The following DUSP15 variants were observed in gnomAD, a reference collection of about 807,000 sequenced individuals.
DUSP15 encodes dual specificity phosphatase 15.
A neutral mutation model predicts 26.3 loss-of-function variants in DUSP15; 23 were observed. The ratio of observed to expected loss-of-function variants is 0.87; its 90% CI spans 0.63 to 1.24. DUSP15 has a LOEUF of 1.24. DUSP15 is among the 50% of genes most tolerant of loss of function. The pLI is 0.00. For missense variants in DUSP15, 364 were observed against 320.6 expected (o/e 1.14, Z -1.03); for synonymous variants, 143 against 135.5 (o/e 1.06, Z -0.39).
intron 3 of DUSP15, among the ~76,000 whole-genome samples, chr20:31,866,586 C>T (rs1054584413): frequency 2.6e-5 from 4 of 152,214 alleles, no homozygotes; most frequent in African/African-American, 9.7e-5. Flanking sequence ...CTAGAGGGGA[C>T]CATGCTTTAC....
Position 31,861,452 on chromosome 20 carries a change from T to C in DUSP15, c.659A>G (p.Gln220Arg). 2 of 1,558,032 alleles carry C rather than the reference T, an allele frequency of 1.3e-6. No homozygotes were observed. Among genetic ancestry groups the C allele is most frequent in the Non-Finnish European group, 1.7e-6 (2 of 1,162,464 alleles). ...ACACCGGGGGAGGCAAGAGAAAGTCTGCTTGACGCGCGCCAGCAGCGGCAG... is the reference window on the plus strand; with the variant it reads ...ACACCGGGGGAGGCAAGAGAAAGTCCGCTTGACGCGCGCCAGCAGCGGCAG... ...RPLPLLARVK[Q>R]TFSCLPRCLS... The change falls in exon 7 of 7, where the codon CAG becomes CGG. Residue 220 changes from glutamine (Q) to arginine (R), a missense_variant. Physicochemically the swap from Gln to Arg is conservative, Grantham distance 43 (BLOSUM62 1). Coordinates refer to ENST00000339738, the MANE Select transcript of DUSP15 (RefSeq NM_080611.5).
At chr20:31,846,505 C>T (rs185739278), downstream of DUSP15, among the ~76,000 whole-genome samples, 379 of 150,394 alleles carry the variant, frequency 2.5e-3, no homozygotes, top group African/African-American at 8.2e-3. Flanking sequence ...GAGCCCAGTC[C>T]CCCTAGAGTG....
chr20:31,869,343 G>A (rs1176430800), intron 2 of DUSP15, among the ~76,000 whole-genome samples: 3 of 152,210 alleles, frequency 2.0e-5, no homozygotes, highest in African/African-American at 7.2e-5. Flanking sequence ...AGGGATGTCA[G>A]TGTCAGGCCC....
Position 31,861,665 on chromosome 20 carries a change from T to A in DUSP15, c.446A>T (p.Gln149Leu). Residue 149 changes from glutamine to leucine, a missense_variant, in exon 7 of 7, where the codon CAG becomes CTG. Gln to Leu is a moderately radical substitution (Grantham distance 113). Coordinates refer to ENST00000339738, the MANE Select transcript of DUSP15 (RefSeq NM_080611.5). ...GCTCTCGCCGAAGCGCTCCTCCAGC[T>A]GCCGGCGAAGCTGGGGTGGGCGGGT... Reference protein sequence around the residue: ...GWASSQKLRRQLEERFGESPF... With the variant: ...GWASSQKLRRLLEERFGESPF... 2 of 889,856 alleles carry A rather than the reference T, an allele frequency of 2.2e-6. No homozygotes were observed. The highest frequency in any genetic ancestry group is 3.0e-6 in the Non-Finnish European group (2 of 665,074). 55.1% of individuals were successfully genotyped at this position (889,856 alleles called of 1,614,324 possible).
chr20:31,867,676 G>T (rs1336934457), intron 2 of DUSP15, among the ~76,000 whole-genome samples: 2 of 99,726 alleles, frequency 2.0e-5, no homozygotes, highest in Non-Finnish European at 1.8e-5. Flanking sequence ...ACGGAGTCTT[G>T]CTCTCTCTCC....
rs1356684171 is a variant in DUSP15, at chr20:31,869,870, G to GGAGGA, written c.22-278_22-274dup. The GGAGGA allele has an allele frequency of 5.0e-6, 7 of 1,401,160 alleles. No individual in the cohort carries two copies. The African/African-American group carries it at 5.8e-5, about 12-fold the overall frequency. The allele number at this position is 1,401,160 out of a possible 1,614,324, so 86.8% of individuals were successfully genotyped here. On this transcript the variant is annotated intron_variant, in intron 1 of 6. Transcript: ENST00000339738. ...GGGGAGAGGAGGAAGGCAGGTCTTA[G>GGAGGA]GAGGAGAGGAGAGGAGAGAGGTAGA...
chr20:31,864,230 A>C, intron 4 of DUSP15: 1 of 1,249,794 alleles, frequency 8.0e-7, no homozygotes, highest in Admixed American at 3.6e-5. Context: ...AGGCAGGAGC[A>C]CTCCTCCTGT....
exon 10 of DUSP15, chr20:31,848,040 T>G: frequency 5.1e-6 from 1 of 194,896 alleles, no homozygotes; most frequent in Non-Finnish European, 1.0e-5. Flanking sequence ...GATGATCTAA[T>G]TATTGGTAAA....
intron 9 of DUSP15, chr20:31,848,739 G>A: frequency 1.3e-6 from 2 of 1,528,970 alleles, no homozygotes; most frequent in Admixed American, 1.9e-5. Context: ...TGGAGGGAGT[G>A]TGGGAAGGGC....
chr20:31,854,776 C>G (rs2062534751), intron 6 of DUSP15, among the ~76,000 whole-genome samples: 1 of 152,062 alleles, frequency 6.6e-6, no homozygotes. Flanking sequence ...ACAGTCAACT[C>G]TCGTTATTTG....
intron 2 of DUSP15, among the ~76,000 whole-genome samples, chr20:31,867,430 G>A (rs944083282): frequency 6.6e-6 from 1 of 152,188 alleles, no homozygotes; most frequent in Non-Finnish European, 1.5e-5. Context: ...CTTGTCTACA[G>A]AAGCGCTTGC....
downstream of DUSP15, among the ~76,000 whole-genome samples, chr20:31,846,293 GACACACACACACAC>G (rs71336552): frequency 7.8e-5 from 11 of 141,028 alleles, no homozygotes; most frequent in South Asian, 2.4e-4. Flanking sequence ...CACAGACACA[GACACACACACACAC>G]ACACACACAC....
intron 3 of DUSP15, among the ~76,000 whole-genome samples, chr20:31,866,750 G>T (rs2123293482): frequency 6.6e-6 from 1 of 152,300 alleles, no homozygotes; most frequent in South Asian, 2.1e-4. Context: ...CATCCATTTG[G>T]ATTCATCCAT....
At chr20:31,863,676 A>G (rs997904191) in intron 5 of DUSP15, 3 of 532,966 alleles carry the variant, frequency 5.6e-6, no homozygotes, top group Non-Finnish European at 1.0e-5. Context: ...CATTTTACAG[A>G]TGAGGACATT....
downstream of DUSP15, among the ~76,000 whole-genome samples, chr20:31,856,206 A>G (rs1233332050): frequency 6.6e-6 from 1 of 152,238 alleles, no homozygotes; most frequent in Non-Finnish European, 1.5e-5. Context: ...GCAAAGGTTT[A>G]ACGGTGATAA....
intron 6 of DUSP15, among the ~76,000 whole-genome samples, chr20:31,851,339 G>A (rs1026596179): frequency 1.3e-5 from 2 of 151,982 alleles, no homozygotes; most frequent in Non-Finnish European, 2.9e-5. Flanking sequence ...AAGGTGATGG[G>A]GTGGAGATAA....
chr20:31,852,219 AG>A (rs1378226671), intron 6 of DUSP15, among the ~76,000 whole-genome samples: 1 of 152,006 alleles, frequency 6.6e-6, no homozygotes, highest in Non-Finnish European at 1.5e-5. Context: ...ATGTTGGCCA[AG>A]CTGGCCTCAA....
chr20:31,863,078 G>C (rs907011757), intron 5 of DUSP15, among the ~76,000 whole-genome samples: 102 of 32,104 alleles, frequency 3.2e-3, no homozygotes, highest in African/African-American at 0.017. Context: ...GTATGGCTGG[G>C]GGGGGGGGAC....
Position 31,861,557 on chromosome 20 carries a change from G to T in DUSP15, c.554C>A (p.Ser185Tyr). The T allele has an allele frequency of 1.3e-6, 2 of 1,503,290 alleles. No homozygotes were observed. The highest frequency in any genetic ancestry group is 1.8e-6 in the Non-Finnish European group (2 of 1,134,294). The allele number at this position is 1,503,290 out of a possible 1,614,324, so 93.1% of individuals were successfully genotyped here. The change falls in exon 7 of 7, where the codon TCC becomes TAC. Residue 185 changes from serine (S) to tyrosine (Y), a missense_variant. Physicochemically the swap from Ser to Tyr is moderately radical, Grantham distance 144. Coordinates refer to ENST00000339738, the MANE Select transcript of DUSP15 (RefSeq NM_080611.5). Reference sequence around the variant, plus strand: ...GGAGGCTGCTGAGTGCGGCCCGGCGGAGGAGGCCGAGGTCGCGGAGCCCTG... The same window carrying T: ...GGAGGCTGCTGAGTGCGGCCCGGCGTAGGAGGCCGAGGTCGCGGAGCCCTG... ...CRQGSATSAS[S>Y]AGPHSAASEG... is the part of the protein sequence containing the mutation.
Sources: gnomAD v4.1 joint callset for allele counts (sites outside exome capture counted in the v4.1 genomes callset) on GRCh38, gnomAD v4.1.1 for gene constraint, MANE v1.5 for transcripts, NCBI Gene and HGNC (gene_info 2026-07-23, HGNC 2026-07-21) for gene names.